GALNTL6: variants seen among roughly 807,000 people sequenced by gnomAD.
The protein encoded by GALNTL6 is polypeptide N-acetylgalactosaminyltransferase-like 6.
In GALNTL6, 46 loss-of-function variants were observed where a neutral mutation model predicts 73.7. That is an observed-to-expected ratio of 0.62 (90% CI 0.49 to 0.80). GALNTL6 has a LOEUF of 0.80. Among genes scored for constraint, GALNTL6 ranks in the 30% least tolerant of loss-of-function variants. GALNTL6 has a pLI of 0.00. For missense variants in GALNTL6, 604 were observed against 755.0 expected, an observed-to-expected ratio of 0.80 and a Z score of 2.34; for synonymous variants, 259 against 263.7, an observed-to-expected ratio of 0.98 and a Z score of 0.17.
At chr4:172,679,249 TA>T (rs1317782888) in intron 5 of GALNTL6, among the ~76,000 whole-genome samples, 2 of 151,956 alleles carry the variant, frequency 1.3e-5, no homozygotes, top group Non-Finnish European at 2.9e-5. Context: ...CCATCTCTAC[TA>T]AAAATACAAA....
At chr4:171,894,555 T>C (rs1057394207) in intron 2 of GALNTL6, among the ~76,000 whole-genome samples, 11 of 152,198 alleles carry the variant, frequency 7.2e-5, no homozygotes, top group African/African-American at 2.7e-4. Flanking sequence ...ATGTTTGAAA[T>C]TTTTTGAAAA....
At chr4:172,940,812 A>G (rs888393478) in intron 9 of GALNTL6, among the ~76,000 whole-genome samples, 5 of 152,048 alleles carry the variant, frequency 3.3e-5, no homozygotes, top group African/African-American at 1.2e-4. Flanking sequence ...AGCTGGGACT[A>G]CAGGCACACG....
intron 2 of GALNTL6, among the ~76,000 whole-genome samples, chr4:171,905,177 C>T (rs1737236306): frequency 1.3e-5 from 2 of 151,878 alleles, no homozygotes; most frequent in Admixed American, 1.3e-4. Flanking sequence ...ACTAAATGCT[C>T]CAATTAAAAG....
intron 2 of GALNTL6, among the ~76,000 whole-genome samples, chr4:171,875,431 C>G (rs1411851127): frequency 6.6e-6 from 1 of 152,080 alleles, no homozygotes. Flanking sequence ...TAAGTCTTTG[C>G]CTTGTCCCTG....
At chr4:172,273,359 T>C (rs1023173227) in intron 3 of GALNTL6, among the ~76,000 whole-genome samples, 1 of 152,058 alleles carries the variant, frequency 6.6e-6, no homozygotes, top group African/African-American at 2.4e-5. Context: ...GCAAAGTGAG[T>C]CAAAGCTCTG....
At chr4:171,991,699 TGA>T (rs1479272675) in intron 2 of GALNTL6, among the ~76,000 whole-genome samples, 1 of 143,884 alleles carries the variant, frequency 7.0e-6, no homozygotes, top group Non-Finnish European at 1.5e-5. Context: ...GACCAGAAGT[TGA>T]GTTTGATTAT....
intron 2 of GALNTL6, among the ~76,000 whole-genome samples, chr4:172,074,659 G>A (rs547693701): frequency 1.8e-4 from 27 of 152,210 alleles, no homozygotes; most frequent in African/African-American, 6.5e-4. Context: ...TGGGGGTAGT[G>A]TCCTGAGAAA....
intron 7 of GALNTL6, among the ~76,000 whole-genome samples, chr4:172,842,510 T>C (rs2111086120): frequency 6.6e-6 from 1 of 152,256 alleles, no homozygotes; most frequent in South Asian, 2.1e-4. Flanking sequence ...CATTTTATGT[T>C]TGATTATATA....
At chr4:172,037,196 C>T (rs147883476) in intron 2 of GALNTL6, among the ~76,000 whole-genome samples, 130 of 152,200 alleles carry the variant, frequency 8.5e-4, no homozygotes, top group African/African-American at 3.0e-3. Flanking sequence ...TGTCACTTAA[C>T]GTGTATCAAT....
chr4:172,016,750 TTTTAA>T (rs1741209006), intron 2 of GALNTL6, among the ~76,000 whole-genome samples: 2 of 136,820 alleles, frequency 1.5e-5, no homozygotes, highest in Non-Finnish European at 3.4e-5. Flanking sequence ...TTGATTTTTC[TTTTAA>T]TTTAATTTTT....
chr4:172,832,686 T>C (rs1448743967), intron 7 of GALNTL6, among the ~76,000 whole-genome samples: 1 of 151,742 alleles, frequency 6.6e-6, no homozygotes, highest in Non-Finnish European at 1.5e-5. Context: ...AGCAAGGGGG[T>C]CAGTGGGCTC....
At chr4:172,502,504 T>C (rs1734296154) in intron 5 of GALNTL6, among the ~76,000 whole-genome samples, 1 of 152,186 alleles carries the variant, frequency 6.6e-6, no homozygotes, top group Non-Finnish European at 1.5e-5. Flanking sequence ...TGATCCTTCA[T>C]TCAAGGGATG....
intron 2 of GALNTL6, among the ~76,000 whole-genome samples, chr4:172,011,527 G>A (rs1201621250): frequency 1.3e-5 from 2 of 152,062 alleles, no homozygotes; most frequent in Non-Finnish European, 2.9e-5. Context: ...ACTGGAAACA[G>A]AGTAAATTAG....
intron 2 of GALNTL6, among the ~76,000 whole-genome samples, chr4:171,820,752 G>T (rs905117851): frequency 1.3e-5 from 2 of 152,084 alleles, no homozygotes; most frequent in Non-Finnish European, 2.9e-5. Context: ...TAGGAGAGTC[G>T]CTGTTATAAT....
intron 5 of GALNTL6, among the ~76,000 whole-genome samples, chr4:172,599,344 A>G (rs1737969905): frequency 6.6e-6 from 1 of 151,552 alleles, no homozygotes; most frequent in Non-Finnish European, 1.5e-5. Context: ...ATGTACAACT[A>G]TGATCATGGG....
intron 5 of GALNTL6, among the ~76,000 whole-genome samples, chr4:172,578,616 A>G (rs772171344): frequency 4.6e-5 from 7 of 152,160 alleles, no homozygotes; most frequent in Non-Finnish European, 1.0e-4. Flanking sequence ...TGATTTATTA[A>G]TTTATTATGA....
intron 10 of GALNTL6, among the ~76,000 whole-genome samples, chr4:172,981,798 T>C (rs1461138603): frequency 1.6e-5 from 1 of 61,070 alleles, no homozygotes; most frequent in East Asian, 5.7e-4. Context: ...ATGAACGTCT[T>C]TTTTTTTTTT....
chr4:172,297,524 A>G (rs1242467668), intron 3 of GALNTL6, among the ~76,000 whole-genome samples: 1 of 152,142 alleles, frequency 6.6e-6, no homozygotes, highest in African/African-American at 2.4e-5. Context: ...TCTTGAATTA[A>G]TTTTTATATA....
In GALNTL6 at chr4:172,870,481, T is replaced by C. The variant is rs145562369; in HGVS notation, c.924-12309T>C. ...ATGTCAGGGCAAAGAATCCGTTTCT[T>C]CTGTATTTTACAACACAAGACTATT... On this transcript the variant is annotated intron_variant, in intron 7 of 12. Transcript: ENST00000506823. 2.9e-3 allele frequency among the ~76,000 whole-genome samples: 440 copies of C among 152,354 alleles called. 3 individuals carry two copies. The highest frequency in any genetic ancestry group is 0.01 in the African/African-American group (417 of 41,582).
Sources: allele counts gnomAD v4.1 joint callset (sites outside exome capture counted in the v4.1 genomes callset), GRCh38; gene constraint gnomAD v4.1.1; transcripts MANE v1.5; gene names NCBI Gene and HGNC (gene_info 2026-07-23, HGNC 2026-07-21).